The following SLC35F3 variants were observed in gnomAD, a reference collection of about 807,000 sequenced individuals.
SLC35F3 encodes putative thiamine transporter SLC35F3.
Under a neutral mutation model 49.9 loss-of-function variants are expected in SLC35F3, and 25 were observed. That is an observed-to-expected ratio of 0.50 (90% confidence interval 0.37 to 0.70). SLC35F3 has a LOEUF of 0.70. SLC35F3 is among the 30% of genes least tolerant of loss of function. The pLI, the probability that SLC35F3 is intolerant of heterozygous loss-of-function variation, is 0.00. For synonymous variants in SLC35F3, 275 were observed against 265.4 expected (o/e 1.04, Z -0.35); for missense variants, 525 against 639.8 (o/e 0.82, Z 1.94).
intron 2 of SLC35F3, among the ~76,000 whole-genome samples, chr1:233,926,106 G>C (rs1240362549): frequency 1.3e-5 from 2 of 152,056 alleles, no homozygotes; most frequent in African/African-American, 4.8e-5. Flanking sequence ...TGACAGTTAG[G>C]TGTCTTGGGG....
chr1:233,988,231 T>C (rs58972827), intron 2 of SLC35F3, among the ~76,000 whole-genome samples: 8,146 of 152,296 alleles, frequency 0.053, 469 homozygotes, highest in African/African-American at 0.15. Flanking sequence ...TAACTGGAAA[T>C]CTTTTCTCTT....
intron 3 of SLC35F3, among the ~76,000 whole-genome samples, chr1:234,233,759 G>A (rs1389774930): frequency 6.6e-6 from 1 of 152,232 alleles, no homozygotes; most frequent in Non-Finnish European, 1.5e-5. Context: ...AAAAGAGGGA[G>A]GATAATCCCA....
At chr1:234,138,635 C>A (rs1433725251) in intron 2 of SLC35F3, among the ~76,000 whole-genome samples, 2 of 152,098 alleles carry the variant, frequency 1.3e-5, no homozygotes, top group African/African-American at 2.4e-5. Flanking sequence ...GCAGCCTTGA[C>A]CTCCTGTGCA....
intron 3 of SLC35F3, among the ~76,000 whole-genome samples, chr1:234,243,623 G>A (rs917981484): frequency 6.6e-6 from 1 of 152,214 alleles, no homozygotes; most frequent in African/African-American, 2.4e-5. Context: ...TAAAGAGGAA[G>A]GTTGGCACCT....
intron 2 of SLC35F3, among the ~76,000 whole-genome samples, chr1:234,215,754 G>A (rs1667112231): frequency 6.6e-6 from 1 of 152,172 alleles, no homozygotes; most frequent in South Asian, 2.1e-4. Context: ...CCCAAGCTTA[G>A]CTGTCCACAC....
At chr1:233,928,955 A>T (rs1243506723) in intron 2 of SLC35F3, among the ~76,000 whole-genome samples, 2 of 152,126 alleles carry the variant, frequency 1.3e-5, no homozygotes, top group Non-Finnish European at 1.5e-5. Context: ...AAATTAAATT[A>T]AATTTAAATA....
Position 234,193,885 on chromosome 1 carries a change from CCG to C in SLC35F3, c.284-37530_284-37529del, listed in dbSNP as rs1188761561. Among the ~76,000 whole-genome samples the C allele has an allele frequency of 2.0e-5, 3 of 152,042 alleles. No homozygotes were observed. The East Asian group carries it at 5.8e-4, about 29-fold the overall frequency. On this transcript the variant is annotated intron_variant, in intron 2 of 7. Coordinates refer to ENST00000366618, the MANE Select transcript of SLC35F3 (RefSeq NM_173508.4). ...ATGATAAAGGAAATGTAAATGAAAA[CCG>C]CAATACAATACCATCTTACTCCTGC...
chr1:234,096,610 G>A (rs2102879804), intron 2 of SLC35F3, among the ~76,000 whole-genome samples: 1 of 152,258 alleles, frequency 6.6e-6, no homozygotes, highest in East Asian at 1.9e-4. Flanking sequence ...GGAACAAAAA[G>A]CCCCAGAGCC....
chr1:233,944,193 C>T (rs1017390585), intron 2 of SLC35F3, among the ~76,000 whole-genome samples: 3 of 152,100 alleles, frequency 2.0e-5, no homozygotes, highest in Non-Finnish European at 4.4e-5. Flanking sequence ...AAAATCAGAG[C>T]TGAACTGAAG....
intron 2 of SLC35F3, among the ~76,000 whole-genome samples, chr1:233,988,518 A>G (rs1663302434): frequency 6.6e-6 from 1 of 152,070 alleles, no homozygotes; most frequent in Admixed American, 6.5e-5. Flanking sequence ...GCCTGGTGCT[A>G]TTCGTGTCTG....
chr1:234,158,005 G>T (rs1461386840), intron 2 of SLC35F3, among the ~76,000 whole-genome samples: 1 of 152,096 alleles, frequency 6.6e-6, no homozygotes, highest in Non-Finnish European at 1.5e-5. Flanking sequence ...AGCCATTTAT[G>T]AGTCGATTCA....
chr1:234,315,227 G>C (rs897186054), intron 4 of SLC35F3, among the ~76,000 whole-genome samples: 1 of 152,136 alleles, frequency 6.6e-6, no homozygotes, highest in Admixed American at 6.5e-5. Context: ...GTTAGGGGTG[G>C]ATACAGTATT....
intron 3 of SLC35F3, among the ~76,000 whole-genome samples, chr1:234,244,842 C>CT (rs1165227054): frequency 6.6e-6 from 1 of 152,060 alleles, no homozygotes; most frequent in Non-Finnish European, 1.5e-5. Context: ...GTCCTGCTAA[C>CT]TTTTTTATCA....
intron 2 of SLC35F3, among the ~76,000 whole-genome samples, chr1:234,146,355 A>G (rs1382356921): frequency 6.6e-6 from 1 of 151,608 alleles, no homozygotes; most frequent in Non-Finnish European, 1.5e-5. Flanking sequence ...AGTCTCTCCT[A>G]TCCAGCTTCA....
intron 2 of SLC35F3, among the ~76,000 whole-genome samples, chr1:234,153,984 C>G (rs1296754583): frequency 6.6e-6 from 1 of 151,920 alleles, no homozygotes; most frequent in Non-Finnish European, 1.5e-5. Flanking sequence ...AAGGCGTGAA[C>G]CCAGGAGACG....
At chr1:234,313,797 G>A (rs1449334889) in intron 4 of SLC35F3, among the ~76,000 whole-genome samples, 2 of 152,152 alleles carry the variant, frequency 1.3e-5, no homozygotes, top group Admixed American at 1.3e-4. Flanking sequence ...TGCAGGAAAT[G>A]GGCAGGAAAA....
At chr1:233,996,834 G>C (rs139496698) in intron 2 of SLC35F3, among the ~76,000 whole-genome samples, 1 of 152,140 alleles carries the variant, frequency 6.6e-6, no homozygotes, top group Non-Finnish European at 1.5e-5. Context: ...ACTGAAGTTC[G>C]ACTTGGTTCA....
At chr1:234,166,387 G>A (rs1220795919) in intron 2 of SLC35F3, among the ~76,000 whole-genome samples, 3 of 152,104 alleles carry the variant, frequency 2.0e-5, no homozygotes, top group African/African-American at 7.2e-5. Flanking sequence ...TGTGAGTTTG[G>A]ACAAATGTAT....
chr1:234,142,101 T>C (rs1188351058), intron 2 of SLC35F3, among the ~76,000 whole-genome samples: 1 of 152,208 alleles, frequency 6.6e-6, no homozygotes, highest in African/African-American at 2.4e-5. Flanking sequence ...ACTAAGCTCA[T>C]GCTACTAGAA....
Sources: allele counts gnomAD v4.1 joint callset (sites outside exome capture counted in the v4.1 genomes callset), GRCh38; gene constraint gnomAD v4.1.1; transcripts MANE v1.5; gene names NCBI Gene and HGNC (gene_info 2026-07-23, HGNC 2026-07-21).